Variants in CAPG observed in about 807,000 individuals in gnomAD.
CAPG encodes the protein capping actin protein, gelsolin like.
In CAPG, 32 loss-of-function variants were observed where a neutral mutation model predicts 44.6. The observed-to-expected ratio is 0.72, with a 90% CI of 0.54 to 0.96. CAPG has a LOEUF of 0.96. CAPG is among the 50% of genes least tolerant of loss of function. The probability of loss-of-function intolerance (pLI) is 0.00; values close to 1 mark genes in which losing one functional copy is unlikely to be tolerated. For missense variants in CAPG, 412 were observed against 438.3 expected (o/e 0.94, Z 0.54); for synonymous variants, 175 against 179.6 (o/e 0.97, Z 0.20).
At chr2:85,397,364 G>A (rs1002027652) in intron 8 of CAPG, among the ~76,000 whole-genome samples, 8 of 152,230 alleles carry the variant, frequency 5.3e-5, no homozygotes, top group African/African-American at 1.7e-4. Flanking sequence ...GGGTGATTCT[G>A]AGGCTTGCTG....
chr2:85,395,523 T>G lies in CAPG; in HGVS notation c.981+15A>C. 1.2e-6 allele frequency: 2 copies of G among 1,608,782 alleles called. No individual in the cohort carries two copies. Among genetic ancestry groups the G allele is most frequent in the Non-Finnish European group, 1.7e-6 (2 of 1,175,938 alleles). ...AGCCCTAGGAAGAGGGCTGTGGTTG[T>G]GCGCATCTCCTCACCTGAGTGTTCG... On this transcript the variant is annotated intron_variant, in intron 9 of 9. Coordinates refer to ENST00000263867, the MANE Select transcript of CAPG (RefSeq NM_001747.4). This position sits in a 1 kb window ranked among gnomAD's most constrained non-coding sequence, Gnocchi z 4.3.
chr2:85,393,766 G>T (rs1686471332), downstream of CAPG, among the ~76,000 whole-genome samples: 1 of 152,126 alleles, frequency 6.6e-6, no homozygotes, highest in Admixed American at 6.6e-5. Flanking sequence ...GGGTTTCCAT[G>T]TTGGCCAGAC....
upstream of CAPG, chr2:85,413,290 AAAC>A (rs1453341764): frequency 6.6e-6 from 1 of 152,282 alleles, no homozygotes. Flanking sequence ...ATTAACAGCG[AAAC>A]AACTGGCTGG....
intron 1 of CAPG, among the ~76,000 whole-genome samples, chr2:85,415,582 G>A (rs79729366): frequency 0.059 from 8,962 of 152,168 alleles, 385 homozygotes; most frequent in Middle Eastern, 0.085. Context: ...AGCACCTCTA[G>A]CCAGGGACCG....
chr2:85,400,708 C>A (rs1573178956), intron 5 of CAPG, among the ~76,000 whole-genome samples: 1 of 152,014 alleles, frequency 6.6e-6, no homozygotes, highest in Non-Finnish European at 1.5e-5. Context: ...GGCTAGAGGG[C>A]CCCTCCCTGC....
intron 5 of CAPG, among the ~76,000 whole-genome samples, chr2:85,399,680 G>C (rs1686785390): frequency 6.6e-6 from 1 of 151,846 alleles, no homozygotes; most frequent in East Asian, 1.9e-4. Context: ...TGTAGAAATG[G>C]GGTCCCACTA....
intron 8 of CAPG, among the ~76,000 whole-genome samples, chr2:85,396,217 G>A (rs1010102600): frequency 6.6e-6 from 1 of 151,962 alleles, no homozygotes; most frequent in Non-Finnish European, 1.5e-5. Context: ...ACGCAGTCTC[G>A]TTCTGTCGCC....
intron 4 of CAPG, 88 bp downstream of exon 4, chr2:85,401,441 G>T: frequency 1.3e-6 from 2 of 1,578,860 alleles, no homozygotes; most frequent in Non-Finnish European, 8.7e-7. Context: ...AAAGGCACCC[G>T]GGTCTTCTGC....
In CAPG at chr2:85,398,039, G is replaced by A. The variant is rs1250272421; in HGVS notation, c.873C>T (p.Gly291=). The A allele has an allele frequency of 2.5e-6, 4 of 1,613,992 alleles. No individual in the cohort carries two copies. The African/African-American group carries it at 5.3e-5, about 22-fold the overall frequency. The part of the protein sequence containing the change: ...DCFVLDNGLC[G]KIYIWKGRKA... ...ACGTACCCTTCCAGATATAGATCTTGCCACAGAGCCCGTTGTCCAGCACAA... is the reference window on the plus strand; with the variant it reads ...ACGTACCCTTCCAGATATAGATCTTACCACAGAGCCCGTTGTCCAGCACAA... The change falls in exon 8 of 10, where the codon GGC becomes GGT. Residue 291 remains glycine, a synonymous_variant. Coordinates refer to ENST00000263867, the MANE Select transcript of CAPG (RefSeq NM_001747.4).
At chr2:85,416,572 C>T (rs1265422905) in intron 1 of CAPG, among the ~76,000 whole-genome samples, 4 of 152,128 alleles carry the variant, frequency 2.6e-5, no homozygotes, top group Non-Finnish European at 5.9e-5. Context: ...AGTGCAATGG[C>T]ACAATCTCAG....
rs1162654760 is a variant in CAPG, at chr2:85,395,001, A to ACCTCTG, written c.982-49_982-44dup. On this transcript the variant is annotated intron_variant, in intron 9 of 9. Transcript: ENST00000263867. This position sits in a 1 kb window ranked among gnomAD's most constrained non-coding sequence, Gnocchi z 4.3. ...GAGAAGTCTGGTTCACAAAGTTGCC[A>ACCTCTG]CCTCTGCCTCTGCCCAGGAGGACAG... is the stretch of plus-strand genomic sequence containing the variant. 4 of 1,411,284 alleles carry ACCTCTG rather than the reference A, an allele frequency of 2.8e-6. No homozygotes were observed. The highest frequency in any genetic ancestry group is 4.0e-6 in the Non-Finnish European group (4 of 996,208). The allele number at this position is 1,411,284 out of a possible 1,614,324, so 87.4% of individuals were successfully genotyped here.
downstream of CAPG, chr2:85,391,623 T>C (rs1686362013): frequency 6.5e-6 from 1 of 152,850 alleles, no homozygotes; most frequent in African/African-American, 2.4e-5. Flanking sequence ...GGCTGCTCCA[T>C]CCTAGCCCCC....
chr2:85,399,317 C>G (rs1460600347), intron 5 of CAPG, 32 bp from the exon 6 acceptor site: 4 of 1,609,982 alleles, frequency 2.5e-6, no homozygotes, highest in East Asian at 2.2e-5. Context: ...CGGGTCAGAG[C>G]CAGATGCCTG....
chr2:85,394,498 A>G (rs919095155), downstream of CAPG, among the ~76,000 whole-genome samples: 2 of 152,234 alleles, frequency 1.3e-5, no homozygotes, highest in Non-Finnish European at 2.9e-5. Context: ...CATTGCCACA[A>G]CCTTCTCCCT....
chr2:85,408,030 C>T (rs1687244364), intron 1 of CAPG, among the ~76,000 whole-genome samples: 1 of 152,102 alleles, frequency 6.6e-6, no homozygotes, highest in South Asian at 2.1e-4. Flanking sequence ...TCCATGTTCA[C>T]CCTTACATCC....
Position 85,398,353 on chromosome 2 carries a change from T to C in CAPG, c.760-201A>G, listed in dbSNP as rs1003812716. 42 of 628,454 alleles carry C rather than the reference T, an allele frequency of 6.7e-5. No homozygotes were observed. In the African/African-American group the frequency reaches 7.6e-4, roughly 11 times the overall value. 38.9% of individuals were successfully genotyped at this position (628,454 alleles called of 1,614,324 possible). On this transcript the variant is annotated intron_variant, in intron 7 of 9. Coordinates refer to ENST00000263867, the MANE Select transcript of CAPG (RefSeq NM_001747.4). Reference sequence around the variant, plus strand: ...CACTCCCTCTCATCACCCCAATCCCTGCAGCACAGGGGCCCCGAACCCATT... The same window carrying C: ...CACTCCCTCTCATCACCCCAATCCCCGCAGCACAGGGGCCCCGAACCCATT...
downstream of CAPG, among the ~76,000 whole-genome samples, chr2:85,394,344 T>C (rs1251014788): frequency 6.6e-6 from 1 of 152,268 alleles, no homozygotes; most frequent in Non-Finnish European, 1.5e-5. Flanking sequence ...GCAATGTGCC[T>C]ACGAAGTAAT....
At chr2:85,393,572 TTA>T (rs1350142155), downstream of CAPG, among the ~76,000 whole-genome samples, 10 of 151,888 alleles carry the variant, frequency 6.6e-5, no homozygotes, top group Non-Finnish European at 1.3e-4. Context: ...CATTTCTTTT[TTA>T]TTTTTATTTT....
chr2:85,408,380 A>ACACACACACACACACACACACAC (rs1687269825), intron 1 of CAPG, among the ~76,000 whole-genome samples: 1 of 131,884 alleles, frequency 7.6e-6, no homozygotes, highest in African/African-American at 2.8e-5. Flanking sequence ...ACACACACAC[A>ACACACACACACACACACACACAC]AGCCCCCTTA....
Sources: gnomAD v4.1 joint callset for allele counts (sites outside exome capture counted in the v4.1 genomes callset) on GRCh38, gnomAD v4.1.1 for gene constraint, Gnocchi (gnomAD v3.1) non-coding constraint, MANE v1.5 for transcripts, NCBI Gene and HGNC (gene_info 2026-07-23, HGNC 2026-07-21) for gene names.